Variants in WWP2 observed in about 807,000 individuals in gnomAD.
The protein encoded by WWP2 is WW domain containing E3 ubiquitin protein ligase 2.
In WWP2, 57 loss-of-function variants were observed where a neutral mutation model predicts 121.0. That is an observed-to-expected ratio of 0.47 (90% CI 0.38 to 0.59). The LOEUF (loss-of-function observed/expected upper bound fraction) is 0.59. Ranked by LOEUF, WWP2 falls within the 20% of genes least tolerant of loss-of-function variation. The pLI is 0.00. For synonymous variants in WWP2, 449 were observed against 441.3 expected (o/e 1.02, Z -0.22); for missense variants, 962 against 1,158.9 (o/e 0.83, Z 2.47).
At chr16:69,914,867 A>G (rs2058456432) in intron 9 of WWP2, among the ~76,000 whole-genome samples, 1 of 152,256 alleles carries the variant, frequency 6.6e-6, no homozygotes, top group African/African-American at 2.4e-5. Context: ...GGGCTTCAAA[A>G]AATTAACCTT....
chr16:69,926,645 C>G (rs2058644324), intron 11 of WWP2, among the ~76,000 whole-genome samples: 1 of 152,112 alleles, frequency 6.6e-6, no homozygotes. Context: ...GCCTTCTGGT[C>G]CTTCTGATTG....
intron 9 of WWP2, chr16:69,910,286 T>C (rs1241721338): frequency 1.5e-5 from 12 of 782,958 alleles, no homozygotes; most frequent in African/African-American, 1.9e-5. Flanking sequence ...AAATACCCAG[T>C]CAATATTTGA....
chr16:69,921,943 G>A (rs568119247), intron 10 of WWP2, among the ~76,000 whole-genome samples: 4 of 151,906 alleles, frequency 2.6e-5, no homozygotes, highest in East Asian at 1.9e-4. Context: ...GCGTGGTGGC[G>A]GGCACCTTTA....
At chr16:69,809,721 T>C (rs1427024683) in intron 4 of WWP2, among the ~76,000 whole-genome samples, 1 of 151,474 alleles carries the variant, frequency 6.6e-6, no homozygotes, top group Non-Finnish European at 1.5e-5. Context: ...TGAGCCGAGA[T>C]TGCGCCATTG....
chr16:69,904,532 CTATT>C (rs1427119665), intron 8 of WWP2, among the ~76,000 whole-genome samples: 1 of 152,004 alleles, frequency 6.6e-6, no homozygotes, highest in Non-Finnish European at 1.5e-5. Context: ...GCACATCTGA[CTATT>C]TAAAAAAATT....
chr16:69,845,279 C>T (rs1268958999), intron 6 of WWP2, among the ~76,000 whole-genome samples: 2 of 152,024 alleles, frequency 1.3e-5, no homozygotes, highest in Admixed American at 6.6e-5. Flanking sequence ...TCTGGAGACT[C>T]GTTTGTGCAT....
At chr16:69,855,926 G>A (rs1195010414) in intron 6 of WWP2, among the ~76,000 whole-genome samples, 6 of 152,146 alleles carry the variant, frequency 3.9e-5, no homozygotes, top group African/African-American at 7.2e-5. Context: ...TGAATAGAAC[G>A]TTTTGGCCTT....
At chr16:69,824,842 C>G (rs2151849619) in intron 4 of WWP2, among the ~76,000 whole-genome samples, 1 of 100,800 alleles carries the variant, frequency 9.9e-6, no homozygotes, top group South Asian at 4.3e-4. Context: ...GTGATCTTGG[C>G]TCACTGCAGC....
At chr16:69,874,835 C>T (rs1030312592) in intron 7 of WWP2, among the ~76,000 whole-genome samples, 7 of 152,082 alleles carry the variant, frequency 4.6e-5, no homozygotes, top group Admixed American at 2.6e-4. Flanking sequence ...CCCAGTGACT[C>T]GCTAGGTCTT....
chr16:69,910,134 C>T lies in WWP2; in HGVS notation c.1004+1284C>T, dbSNP rs114152147. The T allele has an allele frequency of 3.9e-3, 640 of 165,990 alleles. 8 individuals are homozygous for T. Among genetic ancestry groups the T allele is most frequent in the African/African-American group, 0.014 (593 of 41,728 alleles). 10.3% of individuals were successfully genotyped at this position (165,990 alleles called of 1,614,324 possible). ...CCCGATCTGTAACCCCCAACCTATC[C>T]GCCGCACCCTGATCTAGGTAATTTT... On this transcript the variant is annotated intron_variant, in intron 9 of 23. Coordinates refer to ENST00000359154, the MANE Select transcript of WWP2 (RefSeq NM_001270454.2).
intron 8 of WWP2, among the ~76,000 whole-genome samples, chr16:69,894,558 A>T (rs2151945518): frequency 6.6e-6 from 1 of 152,256 alleles, no homozygotes; most frequent in Middle Eastern, 3.4e-3. Context: ...ATAGCTTTTA[A>T]ATTAACTAGC....
chr16:69,845,640 A>G (rs1360148633), intron 6 of WWP2, among the ~76,000 whole-genome samples: 2 of 151,976 alleles, frequency 1.3e-5, no homozygotes, highest in Admixed American at 6.6e-5. Context: ...GGAACTGTGA[A>G]AGGGTTTTAT....
At chr16:69,842,193 C>G (rs890239486) in intron 6 of WWP2, 73 bp downstream of exon 6, 4 of 1,409,942 alleles carry the variant, frequency 2.8e-6, no homozygotes, top group Non-Finnish European at 3.9e-6. Flanking sequence ...TGGGACATGG[C>G]GGGGAACATT....
intron 2 of WWP2, among the ~76,000 whole-genome samples, chr16:69,793,543 T>C (rs1264622370): frequency 1.3e-5 from 2 of 152,024 alleles, no homozygotes; most frequent in African/African-American, 4.8e-5. Context: ...GTGCTGCTTA[T>C]TGGTTGGGGA....
intron 6 of WWP2, among the ~76,000 whole-genome samples, chr16:69,864,473 G>A (rs781647766): frequency 8.5e-5 from 13 of 152,138 alleles, no homozygotes; most frequent in Non-Finnish European, 1.8e-4. Flanking sequence ...CTGTGTTCCC[G>A]CCATCAATGT....
intron 8 of WWP2, among the ~76,000 whole-genome samples, chr16:69,894,203 G>A (rs573340744): frequency 6.6e-6 from 1 of 151,592 alleles, no homozygotes; most frequent in East Asian, 1.9e-4. Flanking sequence ...GGCCTCCCGA[G>A]TAGCTGGGAC....
rs548431682 is a variant in WWP2 at position 69,777,883 on chromosome 16, A to G, written c.-15-9113A>G. The stretch of plus-strand genomic sequence containing the variant: ...AGAGTTCCAGATCAGCCTGAACAAC[A>G]TAGGGACCCCCTTCATCTGTACAAA... On this transcript the variant is annotated intron_variant, in intron 1 of 23. Coordinates refer to ENST00000359154, the MANE Select transcript of WWP2 (RefSeq NM_001270454.2). Among the ~76,000 whole-genome samples, 288 of 150,616 alleles carry G rather than the reference A, an allele frequency of 1.9e-3. 2 individuals carry two copies. Among genetic ancestry groups the G allele is most frequent in the African/African-American group, 6.6e-3 (271 of 41,220 alleles).
intron 6 of WWP2, among the ~76,000 whole-genome samples, chr16:69,847,698 G>A (rs1253399280): frequency 5.9e-5 from 9 of 152,028 alleles, no homozygotes; most frequent in East Asian, 1.9e-4. Flanking sequence ...GTGAGCCACC[G>A]CGCCTGGCCA....
intron 6 of WWP2, among the ~76,000 whole-genome samples, chr16:69,866,217 A>G (rs1189762300): frequency 6.6e-6 from 1 of 152,024 alleles, no homozygotes; most frequent in Non-Finnish European, 1.5e-5. Context: ...GAAGAGCAGG[A>G]GTTTAAAATT....
Sources: gnomAD v4.1 joint callset for allele counts (sites outside exome capture counted in the v4.1 genomes callset) on GRCh38, gnomAD v4.1.1 for gene constraint, MANE v1.5 for transcripts, NCBI Gene and HGNC (gene_info 2026-07-23, HGNC 2026-07-21) for gene names.